The following CAAP1 variants were observed in gnomAD, a reference collection of about 807,000 sequenced individuals.
CAAP1 encodes conserved anti-apoptotic protein.
CAAP1 carries 20 observed loss-of-function variants against 34.0 expected under a neutral mutation model. The ratio of observed to expected loss-of-function variants is 0.59; its 90% CI spans 0.41 to 0.86. The LOEUF is 0.86. Ranked by LOEUF, CAAP1 falls within the 40% of genes least tolerant of loss-of-function variation. CAAP1 has a pLI of 0.00. For missense variants in CAAP1, 538 were observed against 450.5 expected (o/e 1.19, Z -1.76); for synonymous variants, 213 against 166.7 (o/e 1.28, Z -2.14).
intron 5 of CAAP1, among the ~76,000 whole-genome samples, chr9:26,847,944 A>G (rs1293037809): frequency 6.6e-6 from 1 of 152,064 alleles, no homozygotes; most frequent in East Asian, 1.9e-4. Context: ...CGTATGTTCA[A>G]TTTGCTGTCT....
At chr9:26,843,999 A>G (rs1365912050) in intron 5 of CAAP1, among the ~76,000 whole-genome samples, 3 of 152,212 alleles carry the variant, frequency 2.0e-5, no homozygotes, top group Non-Finnish European at 4.4e-5. Context: ...ACTACAGAAA[A>G]TTGAATAAAA....
Position 26,841,253 on chromosome 9 carries a change from G to A in CAAP1, c.*1048C>T, listed in dbSNP as rs949355428. 4.6e-5 allele frequency: 7 copies of A among 152,310 alleles called. No homozygotes were observed. Among genetic ancestry groups the A allele is most frequent in the Admixed American group, 1.3e-4 (2 of 15,264 alleles). 9.4% of individuals were successfully genotyped at this position (152,310 alleles called of 1,614,324 possible). On this transcript the variant is annotated 3_prime_UTR_variant, in exon 6 of 6. Transcript: ENST00000333916. ...ATAGAAACAACAGTTCCAGATTTAT[G>A]TTTTTTGAAAAAATTAATTTATTTT... is the stretch of plus-strand genomic sequence containing the variant.
rs1469238384 is a variant in CAAP1 at position 26,892,630 on chromosome 9, A to T, written c.86T>A (p.Val29Glu). ...AAAALAAPDI[V>E]PALASGSSGS... is the part of the protein sequence containing the mutation. ...ACTGCTGCCGCTGGCCAACGCGGGT[A>T]CGATGTCCGGGGCCGCGAGCGCTGC... The change falls in exon 1 of 6, where the codon GTA (valine) becomes GAA (glutamate). Residue 29 changes from valine (V) to glutamate (E), a missense_variant. Val to Glu is a moderately radical substitution (Grantham distance 121). Coordinates refer to ENST00000333916, the MANE Select transcript of CAAP1 (RefSeq NM_024828.4). 1.2e-6 allele frequency: 2 copies of T among 1,609,230 alleles called. No homozygotes were observed. Among genetic ancestry groups the T allele is most frequent in the Non-Finnish European group, 1.7e-6 (2 of 1,179,490 alleles).
intron 5 of CAAP1, among the ~76,000 whole-genome samples, chr9:26,844,387 T>C (rs1822547366): frequency 6.6e-6 from 1 of 152,186 alleles, no homozygotes; most frequent in Non-Finnish European, 1.5e-5. Flanking sequence ...TGCTAAGTTG[T>C]TCACAGCCTC....
intron 2 of CAAP1, among the ~76,000 whole-genome samples, chr9:26,887,072 C>A (rs1392056625): frequency 6.6e-6 from 1 of 152,028 alleles, no homozygotes; most frequent in African/African-American, 2.4e-5. Context: ...ATTAGCCGGG[C>A]ATGGTGGTTC....
At chr9:26,889,576 C>A (rs376493089) in intron 1 of CAAP1, among the ~76,000 whole-genome samples, 1 of 151,978 alleles carries the variant, frequency 6.6e-6, no homozygotes, top group East Asian at 1.9e-4. Flanking sequence ...GGAACTCGGC[C>A]GGGCAGAGTG....
At chr9:26,856,129 G>GC (rs901411324) in intron 5 of CAAP1, among the ~76,000 whole-genome samples, 33 of 83,766 alleles carry the variant, frequency 3.9e-4, no homozygotes, top group African/African-American at 1.5e-3. Flanking sequence ...TTTTTTAAAA[G>GC]GGGGGGGGTA....
At chr9:26,874,011 T>C (rs535458674) in intron 4 of CAAP1, among the ~76,000 whole-genome samples, 45 of 151,860 alleles carry the variant, frequency 3.0e-4, no homozygotes, top group South Asian at 2.9e-3. Context: ...ACTGAGACCA[T>C]CCTGGCTAAC....
chr9:26,890,018 T>C (rs992389699), intron 1 of CAAP1, among the ~76,000 whole-genome samples: 2 of 152,154 alleles, frequency 1.3e-5, no homozygotes, highest in African/African-American at 4.8e-5. Context: ...TTTAGTTCTG[T>C]ACGCAAAATG....
intron 5 of CAAP1, among the ~76,000 whole-genome samples, chr9:26,854,785 T>C (rs1332372125): frequency 1.3e-5 from 2 of 152,186 alleles, no homozygotes; most frequent in African/African-American, 2.4e-5. Context: ...GGCAAATAAG[T>C]GTATGAAAGA....
chr9:26,865,142 A>G (rs538724783), intron 4 of CAAP1, among the ~76,000 whole-genome samples: 15 of 152,324 alleles, frequency 9.8e-5, no homozygotes, highest in African/African-American at 2.2e-4. Context: ...ATTCAAATAT[A>G]TATGTTTTCT....
intron 4 of CAAP1, among the ~76,000 whole-genome samples, chr9:26,873,815 A>G (rs1823340667): frequency 6.6e-6 from 1 of 152,190 alleles, no homozygotes; most frequent in East Asian, 1.9e-4. Context: ...TACATGCTAA[A>G]GTTTTTAGAC....
In CAAP1 at chr9:26,876,320, T is replaced by C. The variant is rs536664254; in HGVS notation, c.665+8490A>G. Among the ~76,000 whole-genome samples the C allele has an allele frequency of 3.3e-5, 5 of 152,278 alleles. 1 individual carries two copies. Among genetic ancestry groups the C allele is most frequent in the African/African-American group, 9.6e-5 (4 of 41,556 alleles). On this transcript the variant is annotated intron_variant, in intron 4 of 5. Transcript: ENST00000333916. Reference sequence around the variant, plus strand: ...GTCTCACCTTGATAATCCAGAAGTCTTCCCATCTCAAGATCCTTAACTTAA... The same window carrying C: ...GTCTCACCTTGATAATCCAGAAGTCCTCCCATCTCAAGATCCTTAACTTAA...
chr9:26,850,293 A>T (rs916963411), intron 5 of CAAP1, among the ~76,000 whole-genome samples: 16 of 152,016 alleles, frequency 1.1e-4, no homozygotes, highest in African/African-American at 3.9e-4. Flanking sequence ...TCTCTCTCTC[A>T]CACACACACA....
chr9:26,854,586 A>G (rs1822825517), intron 5 of CAAP1, among the ~76,000 whole-genome samples: 1 of 152,188 alleles, frequency 6.6e-6, no homozygotes, highest in Non-Finnish European at 1.5e-5. Context: ...TCTGTGTATT[A>G]AATATGAATA....
At chr9:26,867,753 T>G (rs1823172609) in intron 4 of CAAP1, among the ~76,000 whole-genome samples, 1 of 152,192 alleles carries the variant, frequency 6.6e-6, no homozygotes, top group African/African-American at 2.4e-5. Flanking sequence ...CTTATTAATA[T>G]GTCCATAAGT....
intron 4 of CAAP1, among the ~76,000 whole-genome samples, chr9:26,866,234 T>C (rs1162584411): frequency 6.6e-6 from 1 of 152,148 alleles, no homozygotes; most frequent in African/African-American, 2.4e-5. Flanking sequence ...AAAAATGGTA[T>C]AGTAAATAGG....
intron 4 of CAAP1, among the ~76,000 whole-genome samples, chr9:26,864,681 G>T (rs10812485): frequency 0.13 from 19,240 of 152,144 alleles, 2,264 homozygotes; most frequent in East Asian, 0.69. Context: ...GTGACTAAAG[G>T]GAATCACAGA....
intron 1 of CAAP1, among the ~76,000 whole-genome samples, chr9:26,888,780 C>CAG (rs1266953199): frequency 2.0e-5 from 3 of 152,176 alleles, no homozygotes; most frequent in Non-Finnish European, 4.4e-5. Context: ...GATATGTCTA[C>CAG]ACAAAAACTT....
Sources: allele counts gnomAD v4.1 joint callset (sites outside exome capture counted in the v4.1 genomes callset), GRCh38; gene constraint gnomAD v4.1.1; transcripts MANE v1.5; gene names NCBI Gene and HGNC (gene_info 2026-07-23, HGNC 2026-07-21).